The following POLQ variants were observed in gnomAD, a reference collection of about 807,000 sequenced individuals.
The protein encoded by POLQ is DNA polymerase theta, also known as epididymis secretory sperm binding protein.
POLQ carries 233 observed loss-of-function variants against 259.2 expected under a neutral mutation model. The ratio of observed to expected loss-of-function variants is 0.90; its 90% CI spans 0.81 to 1.00. POLQ has a LOEUF of 1.00. Among genes scored for constraint, POLQ ranks in the 50% least tolerant of loss-of-function variants. POLQ has a pLI of 0.00. For missense variants in POLQ, 2,871 were observed against 3,051.6 expected, an observed-to-expected ratio of 0.94 and a Z score of 1.39; for synonymous variants, 1,025 against 1,048.8, an observed-to-expected ratio of 0.98 and a Z score of 0.44.
rs1442090748 is a variant in POLQ, at chr3:121,537,184, T to C, written c.656A>G (p.His219Arg). ...LLGMVVVDEL[H>R]MLGDSHRGYL... Reference sequence around the variant, plus strand: ...CCCTCGGTGAGAGTCTCCCAGCATATGTAATTCATCCACAACCACCATTCC... The same window carrying C: ...CCCTCGGTGAGAGTCTCCCAGCATACGTAATTCATCCACAACCACCATTCC... Residue 219 changes from histidine (H) to arginine (R), a missense_variant, in exon 5 of 30, where the codon CAT (histidine) becomes CGT (arginine). Physicochemically the swap from His to Arg is conservative, Grantham distance 29. This residue lies in a region of POLQ where 783 missense variants were observed against 906.2 expected (regional missense o/e 0.86). Transcript: ENST00000264233. The C allele has an allele frequency of 6.3e-6, 10 of 1,599,492 alleles. No individual in the cohort carries two copies. Among genetic ancestry groups the C allele is most frequent in the African/African-American group, 1.3e-5 (1 of 74,578 alleles).
Position 121,488,285 on chromosome 3 carries a change from G to A in POLQ, c.4646C>T (p.Thr1549Ile), listed in dbSNP as rs903692851. The change falls in exon 16 of 30, where the codon ACT becomes ATT. Residue 1549 changes from threonine to isoleucine, a missense_variant. Thr to Ile is a moderately conservative substitution (Grantham distance 89). Around this residue, in one of 3 missense-constraint regions of POLQ, gnomAD observed 2,080 missense variants for 2,126.0 expected, o/e 0.98. Transcript: ENST00000264233. Reference protein sequence around the residue: ...NENQDTHQQLTCSNDESIIFS... With the variant: ...NENQDTHQQLICSNDESIIFS... ...TATAATAGATTCATCATTGGAACAA[G>A]TCAACTGCTGGTGGGTATCTTGATT... 11 of 1,612,520 alleles carry A rather than the reference G, an allele frequency of 6.8e-6. No individual in the cohort carries two copies. The highest frequency in any genetic ancestry group is 1.3e-5 in the African/African-American group (1 of 74,892).
intron 7 of POLQ, among the ~76,000 whole-genome samples, chr3:121,528,437 G>A (rs1190020332): frequency 5.3e-5 from 8 of 150,922 alleles, no homozygotes; most frequent in Admixed American, 6.6e-5. Context: ...TCTGCCTCCC[G>A]GGTTCAAGTG....
At chr3:121,460,660 A>G (rs2047784266) in intron 24 of POLQ, among the ~76,000 whole-genome samples, 1 of 152,246 alleles carries the variant, frequency 6.6e-6, no homozygotes, top group African/African-American at 2.4e-5. Flanking sequence ...ATGCTTGTTG[A>G]ATGAATTAAT....
At chr3:121,467,838 C>T (rs1354456563) in intron 23 of POLQ, among the ~76,000 whole-genome samples, 198 bp from the exon 24 acceptor site, 1 of 152,098 alleles carries the variant, frequency 6.6e-6, no homozygotes, top group Non-Finnish European at 1.5e-5. Context: ...CCCAGGAGTT[C>T]GGGTCTAGTT....
At chr3:121,494,139 G>C (rs1030429877) in intron 14 of POLQ, 3 of 806,750 alleles carry the variant, frequency 3.7e-6, no homozygotes, top group Admixed American at 3.7e-5. Context: ...CCAAGGGAAC[G>C]AAGGTGGCTC....
chr3:121,439,301 GCT>G (rs1347707288), intron 27 of POLQ, among the ~76,000 whole-genome samples: 1 of 150,992 alleles, frequency 6.6e-6, no homozygotes, highest in African/African-American at 2.4e-5. Flanking sequence ...TTCAATCATG[GCT>G]CACTGCAGCC....
intron 24 of POLQ, among the ~76,000 whole-genome samples, chr3:121,460,922 T>A (rs2047786773): frequency 6.6e-6 from 1 of 152,200 alleles, no homozygotes; most frequent in Admixed American, 6.5e-5. Context: ...TATTTGCAAC[T>A]GATCTCACAA....
rs770995921 is a variant in POLQ, at chr3:121,544,756, ACTTGTCC to A, written c.307_313del (p.Gly103SerfsTer7). ...ATAAACTAAATTCTTTCCTTCCAGG[ACTTGTCC>A]AAGCAAAAGGCACTCTGCCTGCCAT... On this transcript the variant is annotated frameshift_variant, in exon 2 of 30. Coordinates refer to ENST00000264233, the MANE Select transcript of POLQ (RefSeq NM_199420.4). LOFTEE classifies it high-confidence loss of function. 2.5e-6 allele frequency: 4 copies of A among 1,612,586 alleles called. No homozygotes were observed. In the African/African-American group the frequency reaches 5.3e-5, roughly 21 times the overall value.
Position 121,473,462 on chromosome 3 carries a change from G to T in POLQ, c.6431C>A (p.Pro2144His). The T allele has an allele frequency of 6.2e-7, 1 of 1,612,632 alleles. No individual in the cohort carries two copies. The highest frequency in any genetic ancestry group is 8.5e-7 in the Non-Finnish European group (1 of 1,179,418). ...AEVLFLELKLPPNREMKNQGS... is the reference protein window; with the variant it reads ...AEVLFLELKLHPNREMKNQGS... ...TTGGTTTTTCATCTCTCTATTTGGG[G>T]GCAACTTCAATTCCAAAAATAAAAC... The change falls in exon 21 of 30, where the codon CCC (proline) becomes CAC (histidine). Residue 2144 changes from proline (P) to histidine (H), a missense_variant. Coordinates refer to ENST00000264233, the MANE Select transcript of POLQ (RefSeq NM_199420.4).
At chr3:121,441,259 A>G (rs1380209926) in intron 26 of POLQ, among the ~76,000 whole-genome samples, 5 of 152,198 alleles carry the variant, frequency 3.3e-5, no homozygotes, top group Non-Finnish European at 7.4e-5. Context: ...TTAAAAAAAA[A>G]ATCAGTGCTG....
chr3:121,490,786 G>A (rs929900789), intron 15 of POLQ, among the ~76,000 whole-genome samples: 2 of 152,206 alleles, frequency 1.3e-5, no homozygotes, highest in African/African-American at 4.8e-5. Context: ...GGGCGCGGTA[G>A]CTCACACTTG....
At chr3:121,485,324 TTAAGTA>T (rs1186019929) in intron 16 of POLQ, 140 bp from the exon 17 acceptor site, 2 of 533,946 alleles carry the variant, frequency 3.7e-6, no homozygotes, top group Middle Eastern at 4.8e-4. Flanking sequence ...GACAGTCATT[TTAAGTA>T]TAAGTAAGAT....
In POLQ at chr3:121,440,077, T is replaced by A; in HGVS notation, c.7304A>T (p.Lys2435Ile). Residue 2435 changes from lysine to isoleucine, a missense_variant, in exon 27 of 30, where the codon AAA becomes ATA. By Grantham distance (102) the Lys-to-Ile change is moderately radical. Coordinates refer to ENST00000264233, the MANE Select transcript of POLQ (RefSeq NM_199420.4). Reference protein sequence around the residue: ...QFMTETVKNCKRDGFVQTILG... With the variant: ...QFMTETVKNCIRDGFVQTILG... Reference sequence around the variant, plus strand: ...AATGGTCTGAACAAATCCGTCTCTTTTACAATTCTTCACTGTCTCTGTCAT... The same window carrying A: ...AATGGTCTGAACAAATCCGTCTCTTATACAATTCTTCACTGTCTCTGTCAT... 6.2e-7 allele frequency: 1 copy of A among 1,609,400 alleles called. No homozygotes were observed. Among genetic ancestry groups the A allele is most frequent in the Non-Finnish European group, 8.5e-7 (1 of 1,175,798 alleles).
At chr3:121,468,492 A>C (rs1447065335) in intron 22 of POLQ, 61 bp from the exon 23 acceptor site, 1 of 1,191,416 alleles carries the variant, frequency 8.4e-7, no homozygotes, top group Non-Finnish European at 1.2e-6. Context: ...TTGTCTTAAC[A>C]GTATTCACAT....
intron 25 of POLQ, among the ~76,000 whole-genome samples, chr3:121,457,634 A>G (rs1334191443): frequency 2.6e-5 from 4 of 152,248 alleles, no homozygotes; most frequent in Non-Finnish European, 5.9e-5. Context: ...ACATGAAAAA[A>G]TGCTCATCAT....
At chr3:121,534,344 T>C (rs2048435405) in intron 5 of POLQ, among the ~76,000 whole-genome samples, 1 of 152,164 alleles carries the variant, frequency 6.6e-6, no homozygotes, top group South Asian at 2.1e-4. Flanking sequence ...CTTTTTTTTT[T>C]TTTGAGACAG....
chr3:121,483,594 A>G lies in POLQ; in HGVS notation c.5774-12T>C, dbSNP rs1560095578. ...ACTGGCACTAATTTCTTTAAAAAAA[A>G]AAAAAAAAAGGAAAAAACATTTTTA... On this transcript the variant is annotated splice_polypyrimidine_tract_variant and intron_variant, in intron 17 of 29. Coordinates refer to ENST00000264233, the MANE Select transcript of POLQ (RefSeq NM_199420.4). 6 of 1,529,070 alleles carry G rather than the reference A, an allele frequency of 3.9e-6. No homozygotes were observed. Among genetic ancestry groups the G allele is most frequent in the Non-Finnish European group, 4.4e-6 (5 of 1,143,698 alleles). 94.7% of individuals were successfully genotyped at this position (1,529,070 alleles called of 1,614,324 possible).
chr3:121,440,591 C>G (rs146192184), intron 26 of POLQ, among the ~76,000 whole-genome samples: 1 of 152,296 alleles, frequency 6.6e-6, no homozygotes, highest in East Asian at 1.9e-4. Context: ...CCACCTCCGC[C>G]TCCCAAAGTG....
chr3:121,441,816 C>T (rs997125974), intron 26 of POLQ, among the ~76,000 whole-genome samples: 10 of 152,280 alleles, frequency 6.6e-5, no homozygotes, highest in Middle Eastern at 6.8e-3. Context: ...CCATACTGTT[C>T]TCCAAAGTAG....
Sources: gnomAD v4.1 joint callset for allele counts (sites outside exome capture counted in the v4.1 genomes callset) on GRCh38, gnomAD v4.1.1 for gene constraint, gnomAD v4.1.1 regional missense constraint, MANE v1.5 for transcripts, NCBI Gene and HGNC (gene_info 2026-07-23, HGNC 2026-07-21) for gene names.